KIRREL3: variants seen among roughly 807,000 people sequenced by gnomAD.
KIRREL3 encodes the protein kin of IRRE-like protein 3.
Under a neutral mutation model 89.7 loss-of-function variants are expected in KIRREL3, and 36 were observed. The ratio of observed to expected loss-of-function variants is 0.40; its 90% CI spans 0.31 to 0.53. The LOEUF (loss-of-function observed/expected upper bound fraction) is 0.53. Ranked by LOEUF, KIRREL3 falls within the 20% of genes least tolerant of loss-of-function variation. The probability of loss-of-function intolerance (pLI) is 0.49; values close to 1 mark genes in which losing one functional copy is unlikely to be tolerated. For synonymous variants in KIRREL3, 445 were observed against 441.4 expected, an observed-to-expected ratio of 1.01 and a Z score of -0.10; for missense variants, 864 against 1,056.6, an observed-to-expected ratio of 0.82 and a Z score of 2.53.
intron 1 of KIRREL3, among the ~76,000 whole-genome samples, chr11:126,921,746 C>CA (rs1947316023): frequency 1.5e-5 from 2 of 133,772 alleles, no homozygotes; most frequent in African/African-American, 5.5e-5. Context: ...CTATATCTGT[C>CA]TTCTATCTAT....
chr11:126,453,624 A>C (rs942846281), intron 7 of KIRREL3, among the ~76,000 whole-genome samples: 2 of 152,074 alleles, frequency 1.3e-5, no homozygotes, highest in Non-Finnish European at 2.9e-5. Context: ...TGCTGGAGTG[A>C]AGGGGCTGAG....
chr11:126,544,984 G>A lies in KIRREL3; in HGVS notation c.133+17851C>T, dbSNP rs1420677180. On this transcript the variant is annotated intron_variant, in intron 2 of 16. Coordinates refer to ENST00000525144, the MANE Select transcript of KIRREL3 (RefSeq NM_032531.4). The surrounding 1 kb of genome is among the most constrained non-coding windows in gnomAD (Gnocchi z 5.6). ...CAATCTAATAAATTACTTGGTACCC[G>A]GCTGCCAGCTCAGACTAAGCCCAAT... is the stretch of plus-strand genomic sequence containing the variant. 6.6e-6 allele frequency among the ~76,000 whole-genome samples: 1 copy of A among 152,116 alleles called. No homozygotes were observed. Among genetic ancestry groups the A allele is most frequent in the Admixed American group, 6.5e-5 (1 of 15,270 alleles).
intron 1 of KIRREL3, among the ~76,000 whole-genome samples, chr11:126,894,542 CAAAAA>C (rs10630231): frequency 1.3e-3 from 22 of 17,484 alleles, no homozygotes; most frequent in South Asian, 6.8e-3. Context: ...GACCTCATCT[CAAAAA>C]AAAAAAAAAA....
At position 126,565,911 on chromosome 11, in the gene KIRREL3, A is replaced by G. The variant is rs1940487382; in HGVS notation, c.56-2999T>C. On this transcript the variant is annotated intron_variant, in intron 1 of 16. Coordinates refer to ENST00000525144, the MANE Select transcript of KIRREL3 (RefSeq NM_032531.4). This position sits in a 1 kb window ranked among gnomAD's most constrained non-coding sequence, Gnocchi z 5.4. ...ACTAGGTTATTAGGAGAGAGATGAT[A>G]GAACATGACAGAAAGAACAGGAATC... 6.6e-6 allele frequency among the ~76,000 whole-genome samples: 1 copy of G among 152,104 alleles called. No individual in the cohort carries two copies. The highest frequency in any genetic ancestry group is 2.4e-5 in the African/African-American group (1 of 41,410).
chr11:126,552,849 C>T (rs1939395704), intron 2 of KIRREL3, among the ~76,000 whole-genome samples: 1 of 151,768 alleles, frequency 6.6e-6, no homozygotes, highest in South Asian at 2.1e-4. Flanking sequence ...AGGCGTGAGC[C>T]ACCGTGCCAG....
chr11:126,585,544 C>A (rs1941796042), intron 1 of KIRREL3, among the ~76,000 whole-genome samples: 1 of 152,178 alleles, frequency 6.6e-6, no homozygotes, highest in South Asian at 2.1e-4. Context: ...AGGAATTAAC[C>A]TTCACCAGGA....
In KIRREL3 at chr11:126,587,029, G is replaced by C. The variant is rs1251426596; in HGVS notation, c.56-24117C>G. On this transcript the variant is annotated intron_variant, in intron 1 of 16. Transcript: ENST00000525144. The surrounding 1 kb of genome is among the most constrained non-coding windows in gnomAD (Gnocchi z 5.2). ...GGGGCACAACTGTAAACCAGAGAGAGTCCCTGCCTCAGGGAGCTGGGAGTC... is the reference window on the plus strand; with the variant it reads ...GGGGCACAACTGTAAACCAGAGAGACTCCCTGCCTCAGGGAGCTGGGAGTC... Among the ~76,000 whole-genome samples, 1 of 152,164 alleles carries C rather than the reference G, an allele frequency of 6.6e-6. No individual in the cohort carries two copies. The highest frequency in any genetic ancestry group is 1.5e-5 in the Non-Finnish European group (1 of 68,028).
rs1948298140 is a variant in KIRREL3 at position 126,724,443 on chromosome 11, G to A, written c.56-161531C>T. 6.6e-6 allele frequency among the ~76,000 whole-genome samples: 1 copy of A among 152,144 alleles called. No individual in the cohort carries two copies. Among genetic ancestry groups the A allele is most frequent in the Non-Finnish European group, 1.5e-5 (1 of 68,014 alleles). On this transcript the variant is annotated intron_variant, in intron 1 of 16. Coordinates refer to ENST00000525144, the MANE Select transcript of KIRREL3 (RefSeq NM_032531.4). This position sits in a 1 kb window ranked among gnomAD's most constrained non-coding sequence, Gnocchi z 4.3. Reference sequence around the variant, plus strand: ...ATGCAGAGTGAGTGAGCCAGCAGATGGACACCCTGGAGGTTCGGAGCCATG... The same window carrying A: ...ATGCAGAGTGAGTGAGCCAGCAGATAGACACCCTGGAGGTTCGGAGCCATG...
rs117102600 is a variant in KIRREL3, at chr11:126,837,310, C to A, written c.55+163145G>T. Reference sequence around the variant, plus strand: ...TCTGACAGCTAGTAAATGTTCAATACAAATTAATCTCCTTTCTTTTTCCTT... The same window carrying A: ...TCTGACAGCTAGTAAATGTTCAATAAAAATTAATCTCCTTTCTTTTTCCTT... On this transcript the variant is annotated intron_variant, in intron 1 of 16. Coordinates refer to ENST00000525144, the MANE Select transcript of KIRREL3 (RefSeq NM_032531.4). The surrounding 1 kb of genome is among the most constrained non-coding windows in gnomAD (Gnocchi z 4.7). Among the ~76,000 whole-genome samples the A allele has an allele frequency of 9.2e-3, 1,396 of 152,286 alleles. 10 individuals are homozygous for A. The highest frequency in any genetic ancestry group is 0.013 in the Non-Finnish European group (855 of 68,024).
rs1296915827 is a variant in KIRREL3, at chr11:126,491,533, G to A, written c.434-18067C>T. ...TCTGTCCCCCGAGTCGAGGTCTGGG[G>A]CAGGTAAGGAGGCCATATCAGGAAC... On this transcript the variant is annotated intron_variant, in intron 4 of 16. Transcript: ENST00000525144. The surrounding 1 kb of genome is among the most constrained non-coding windows in gnomAD (Gnocchi z 5.5). Among the ~76,000 whole-genome samples the A allele has an allele frequency of 3.3e-5, 5 of 152,244 alleles. No homozygotes were observed. The East Asian group carries it at 5.8e-4, about 18-fold the overall frequency.
intron 10 of KIRREL3, 106 bp downstream of exon 10, chr11:126,444,873 A>G (rs1364337258): frequency 2.0e-6 from 3 of 1,472,022 alleles, no homozygotes; most frequent in Non-Finnish European, 2.8e-6. Flanking sequence ...AGGTGACAGC[A>G]AGGCCCAGAG....
Position 126,424,394 on chromosome 11 carries a change from A to C in KIRREL3, c.*186T>G. On this transcript the variant is annotated 3_prime_UTR_variant, in exon 17 of 17. Coordinates refer to ENST00000525144, the MANE Select transcript of KIRREL3 (RefSeq NM_032531.4). The stretch of plus-strand genomic sequence containing the variant: ...CTCCCCACCCGCCCACCTCTGGCAC[A>C]CAGCACCTGGGGACCCAGATTTGTG... The C allele has an allele frequency of 2.2e-5, 11 of 490,648 alleles. No individual in the cohort carries two copies. Among genetic ancestry groups the C allele is most frequent in the Non-Finnish European group, 3.3e-5 (9 of 268,870 alleles). The allele number at this position is 490,648 out of a possible 1,614,324, so 30.4% of individuals were successfully genotyped here.
Position 126,766,630 on chromosome 11 carries a change from T to C in KIRREL3, c.56-203718A>G, listed in dbSNP as rs78867628. Reference sequence around the variant, plus strand: ...CGCCAGTAGTATCATTCCATTACCATTTCCTCAAATGGGGAGTGTACACAC... The same window carrying C: ...CGCCAGTAGTATCATTCCATTACCACTTCCTCAAATGGGGAGTGTACACAC... On this transcript the variant is annotated intron_variant, in intron 1 of 16. Coordinates refer to ENST00000525144, the MANE Select transcript of KIRREL3 (RefSeq NM_032531.4). The surrounding 1 kb of genome is among the most constrained non-coding windows in gnomAD (Gnocchi z 4.2). Among the ~76,000 whole-genome samples the C allele has an allele frequency of 3.4e-3, 521 of 152,240 alleles. 1 individual carries two copies. The highest frequency in any genetic ancestry group is 0.011 in the African/African-American group (459 of 41,538).
intron 1 of KIRREL3, among the ~76,000 whole-genome samples, chr11:126,644,191 T>C (rs1357438867): frequency 6.6e-6 from 1 of 152,126 alleles, no homozygotes; most frequent in Non-Finnish European, 1.5e-5. Context: ...CAGTGTATAG[T>C]GGGCTATGAG....
rs1949908228 is a variant in KIRREL3, at chr11:126,987,716, A to T, written c.55+12739T>A. 6.6e-6 allele frequency among the ~76,000 whole-genome samples: 1 copy of T among 152,252 alleles called. No homozygotes were observed. Among genetic ancestry groups the T allele is most frequent in the Admixed American group, 6.5e-5 (1 of 15,290 alleles). ...AGAAGGCATTTGAAGTATTCTATGC[A>T]GAGATCTATCTTCCTTGCATTCCTC... On this transcript the variant is annotated intron_variant, in intron 1 of 16. Transcript: ENST00000525144. This position sits in a 1 kb window ranked among gnomAD's most constrained non-coding sequence, Gnocchi z 4.6.
At chr11:126,514,673 C>T (rs371422069) in intron 4 of KIRREL3, among the ~76,000 whole-genome samples, 1 of 152,184 alleles carries the variant, frequency 6.6e-6, no homozygotes, top group Admixed American at 6.5e-5. Context: ...GATTATTTCC[C>T]TCATTTTACA....
chr11:126,514,659 TTA>T (rs1371134440), intron 4 of KIRREL3, among the ~76,000 whole-genome samples: 1 of 152,250 alleles, frequency 6.6e-6, no homozygotes, highest in Non-Finnish European at 1.5e-5. Flanking sequence ...ATGAAAGCAG[TTA>T]TGATTATTTC....
chr11:126,504,259 G>T (rs1344770612), intron 4 of KIRREL3, among the ~76,000 whole-genome samples: 2 of 152,060 alleles, frequency 1.3e-5, no homozygotes, highest in Non-Finnish European at 2.9e-5. Context: ...CTGTATTACT[G>T]CAAGAGCCTC....
In KIRREL3 at chr11:126,736,524, C is replaced by T. The variant is rs1948805621; in HGVS notation, c.56-173612G>A. Among the ~76,000 whole-genome samples, 2 of 151,968 alleles carry T rather than the reference C, an allele frequency of 1.3e-5. No individual in the cohort carries two copies. Among genetic ancestry groups the T allele is most frequent in the Middle Eastern group, 3.2e-3 (1 of 316 alleles). ...TGGGCCGGTGGTTCTCACCTGGGGG[C>T]GATTTTGTCCCCAGGGGACATTTGA... On this transcript the variant is annotated intron_variant, in intron 1 of 16. Coordinates refer to ENST00000525144, the MANE Select transcript of KIRREL3 (RefSeq NM_032531.4). The surrounding 1 kb of genome is among the most constrained non-coding windows in gnomAD (Gnocchi z 5.0).
Sources: gnomAD v4.1 joint callset for allele counts (sites outside exome capture counted in the v4.1 genomes callset) on GRCh38, gnomAD v4.1.1 for gene constraint, Gnocchi (gnomAD v3.1) non-coding constraint, MANE v1.5 for transcripts, NCBI Gene and HGNC (gene_info 2026-07-23, HGNC 2026-07-21) for gene names.